The following GRM8 variants were observed in gnomAD, a reference collection of about 807,000 sequenced individuals.
GRM8 encodes metabotropic glutamate receptor 8.
In GRM8, 47 loss-of-function variants were observed where a neutral mutation model predicts 87.2. The observed-to-expected ratio is 0.54, with a 90% CI of 0.43 to 0.69. The LOEUF is 0.69. Among genes scored for constraint, GRM8 ranks in the 30% least tolerant of loss-of-function variants. The probability of loss-of-function intolerance (pLI) is 0.00; values close to 1 mark genes in which losing one functional copy is unlikely to be tolerated. For synonymous variants in GRM8, 396 were observed against 404.5 expected (o/e 0.98, Z 0.25); for missense variants, 1,019 against 1,139.2 (o/e 0.89, Z 1.52).
At chr7:126,531,860 A>G (rs2150848954) in intron 9 of GRM8, among the ~76,000 whole-genome samples, 2 of 151,848 alleles carry the variant, frequency 1.3e-5, no homozygotes, top group East Asian at 1.9e-4. Flanking sequence ...GTCATGCAGA[A>G]CCTCCTTGGA....
intron 2 of GRM8, among the ~76,000 whole-genome samples, chr7:127,227,260 C>A (rs1376779232): frequency 1.3e-5 from 2 of 152,124 alleles, no homozygotes; most frequent in Non-Finnish European, 2.9e-5. Flanking sequence ...GCTGAAAGAA[C>A]CCAATACTCT....
chr7:126,708,885 A>G (rs567883040), intron 7 of GRM8, among the ~76,000 whole-genome samples: 30 of 152,184 alleles, frequency 2.0e-4, no homozygotes, highest in African/African-American at 7.2e-4. Flanking sequence ...GGAAGATTAA[A>G]TTTTAAGATG....
intron 2 of GRM8, among the ~76,000 whole-genome samples, chr7:127,241,599 A>T (rs1176314977): frequency 6.6e-6 from 1 of 151,884 alleles, no homozygotes; most frequent in Non-Finnish European, 1.5e-5. Flanking sequence ...ATGCCGGGCT[A>T]ATTTTTTGTA....
intron 7 of GRM8, among the ~76,000 whole-genome samples, chr7:126,722,542 G>A (rs1327400568): frequency 6.6e-6 from 1 of 152,130 alleles, no homozygotes; most frequent in Non-Finnish European, 1.5e-5. Context: ...TTATGTCACT[G>A]TGTAGCTTAA....
At chr7:126,456,567 G>C (rs1355335136) in intron 9 of GRM8, among the ~76,000 whole-genome samples, 2 of 112,576 alleles carry the variant, frequency 1.8e-5, no homozygotes, top group African/African-American at 7.7e-5. Flanking sequence ...TCTAGATTCA[G>C]AGAGAATTCA....
Position 126,632,974 on chromosome 7 carries a change from A to G in GRM8, c.1358-23476T>C, listed in dbSNP as rs558127318. Among the ~76,000 whole-genome samples, 7 of 152,266 alleles carry G rather than the reference A, an allele frequency of 4.6e-5. No homozygotes were observed. In the East Asian group the frequency reaches 1.3e-3, roughly 29 times the overall value. On this transcript the variant is annotated intron_variant, in intron 7 of 10. Coordinates refer to ENST00000339582, the MANE Select transcript of GRM8 (RefSeq NM_000845.3). ...TAGATTATTTTTGTTAGTAAAGTGT[A>G]AACTAATCTAATTTTTCCTCTTTAT...
chr7:126,495,180 G>A (rs1218310129), intron 9 of GRM8, among the ~76,000 whole-genome samples: 1 of 151,972 alleles, frequency 6.6e-6, no homozygotes, highest in African/African-American at 2.4e-5. Flanking sequence ...ACAGTCCCAT[G>A]GCATGAAGTT....
intron 9 of GRM8, among the ~76,000 whole-genome samples, chr7:126,483,739 AT>A (rs1807005307): frequency 1.2e-5 from 1 of 85,242 alleles, no homozygotes; most frequent in Admixed American, 1.3e-4. Flanking sequence ...TACCCTTAGT[AT>A]TTCCCTCCCT....
intron 6 of GRM8, among the ~76,000 whole-genome samples, chr7:126,812,458 G>T (rs1005293804): frequency 6.6e-6 from 1 of 151,956 alleles, no homozygotes; most frequent in South Asian, 2.1e-4. Context: ...TAACACAATG[G>T]TAAGTACATA....
chr7:126,578,206 A>G (rs1013483253), intron 8 of GRM8, among the ~76,000 whole-genome samples: 1 of 152,326 alleles, frequency 6.6e-6, no homozygotes, highest in South Asian at 2.1e-4. Context: ...GTATTTACAT[A>G]TATTTCTGAC....
chr7:127,150,353 C>CA (rs1828787165), intron 2 of GRM8, among the ~76,000 whole-genome samples: 2 of 152,104 alleles, frequency 1.3e-5, no homozygotes, highest in Middle Eastern at 3.4e-3. Flanking sequence ...TGGCTGTTCT[C>CA]AAGACAGTGG....
intron 9 of GRM8, among the ~76,000 whole-genome samples, chr7:126,478,083 G>A (rs572024472): frequency 6.6e-6 from 1 of 152,188 alleles, no homozygotes; most frequent in Non-Finnish European, 1.5e-5. Context: ...TGATCACAGA[G>A]CAAAATCATT....
intron 6 of GRM8, among the ~76,000 whole-genome samples, chr7:126,792,573 G>T (rs1308818992): frequency 2.0e-5 from 3 of 152,146 alleles, no homozygotes; most frequent in Non-Finnish European, 2.9e-5. Context: ...GAATTAATCT[G>T]AACTTGGTTG....
chr7:126,523,947 T>C (rs2150806819), intron 9 of GRM8, among the ~76,000 whole-genome samples: 1 of 152,338 alleles, frequency 6.6e-6, no homozygotes, highest in South Asian at 2.1e-4. Context: ...CTATTTTGTT[T>C]CTAGATTCCT....
At chr7:126,872,069 T>C (rs1459620670) in intron 6 of GRM8, among the ~76,000 whole-genome samples, 1 of 152,176 alleles carries the variant, frequency 6.6e-6, no homozygotes, top group Non-Finnish European at 1.5e-5. Flanking sequence ...TGTATGTCTA[T>C]AAGTGATCTG....
chr7:126,706,782 T>C (rs1358029711), intron 7 of GRM8, among the ~76,000 whole-genome samples: 2 of 152,176 alleles, frequency 1.3e-5, no homozygotes, highest in African/African-American at 4.8e-5. Flanking sequence ...ACAGATAATA[T>C]AAGATACTGT....
At chr7:126,755,973 T>A (rs1563156169) in intron 7 of GRM8, among the ~76,000 whole-genome samples, 1 of 151,994 alleles carries the variant, frequency 6.6e-6, no homozygotes, top group Non-Finnish European at 1.5e-5. Flanking sequence ...ACCTTATTAG[T>A]TTTTATTTAT....
intron 6 of GRM8, among the ~76,000 whole-genome samples, chr7:126,848,549 T>C (rs574007778): frequency 5.9e-5 from 9 of 152,288 alleles, no homozygotes; most frequent in Admixed American, 2.0e-4. Flanking sequence ...AGGCTGGGCA[T>C]GATGGCTCAC....
At chr7:126,496,524 G>C (rs1055529114) in intron 9 of GRM8, among the ~76,000 whole-genome samples, 1 of 151,968 alleles carries the variant, frequency 6.6e-6, no homozygotes, top group Non-Finnish European at 1.5e-5. Flanking sequence ...GTGAAACCAA[G>C]ACACATCTGT....
Sources: gnomAD v4.1 joint callset for allele counts (sites outside exome capture counted in the v4.1 genomes callset) on GRCh38, gnomAD v4.1.1 for gene constraint, MANE v1.5 for transcripts, NCBI Gene and HGNC (gene_info 2026-07-23, HGNC 2026-07-21) for gene names.